NQO2: variants seen among roughly 807,000 people sequenced by gnomAD.
NQO2 encodes the protein ribosyldihydronicotinamide dehydrogenase [quinone].
A neutral mutation model predicts 22.0 loss-of-function variants in NQO2; 18 were observed. That is an observed-to-expected ratio of 0.82 (90% CI 0.56 to 1.21). The LOEUF (loss-of-function observed/expected upper bound fraction) is 1.21, where lower values mean the gene tolerates loss of function less well. Among genes scored for constraint, NQO2 ranks in the 50% most tolerant of loss-of-function variants. The pLI is 0.00. For missense variants in NQO2, 267 were observed against 286.9 expected, an observed-to-expected ratio of 0.93 and a Z score of 0.50; for synonymous variants, 106 against 110.8, an observed-to-expected ratio of 0.96 and a Z score of 0.28.
At chr6:3,005,877 C>G in intron 1 of NQO2, 2 of 887,714 alleles carry the variant, frequency 2.3e-6, no homozygotes, top group Non-Finnish European at 2.7e-6. Flanking sequence ...GCAGGGCCCA[C>G]AGCTACAATG....
In NQO2 at chr6:3,006,999, C is replaced by A. The variant is rs1006540120; in HGVS notation, c.7+440C>A. 1 of 399,184 alleles carries A rather than the reference C, an allele frequency of 2.5e-6. No individual in the cohort carries two copies. Among genetic ancestry groups the A allele is most frequent in the African/African-American group, 2.1e-5 (1 of 48,626 alleles). The allele number at this position is 399,184 out of a possible 1,614,324, so 24.7% of individuals were successfully genotyped here. On this transcript the variant is annotated intron_variant, in intron 2 of 6. Transcript: ENST00000380455. The surrounding 1 kb of genome is among the most constrained non-coding windows in gnomAD (Gnocchi z 4.0). Reference sequence around the variant, plus strand: ...TGCTTATCATGCACATATACATGAACATGCAATCTCTCAACTTTTTAATTT... The same window carrying A: ...TGCTTATCATGCACATATACATGAAAATGCAATCTCTCAACTTTTTAATTT...
At chr6:3,008,655 G>T (rs1429714202) in intron 2 of NQO2, among the ~76,000 whole-genome samples, 1 of 152,174 alleles carries the variant, frequency 6.6e-6, no homozygotes, top group African/African-American at 2.4e-5. Context: ...CAGATATTGG[G>T]CGAAATTCAC....
chr6:3,010,053 C>A lies in NQO2; in HGVS notation c.36C>A (p.His12Gln). 6.2e-7 allele frequency: 1 copy of A among 1,614,004 alleles called. No homozygotes were observed. The highest frequency in any genetic ancestry group is 8.5e-7 in the Non-Finnish European group (1 of 1,179,970). ...AGAAAGTACTCATTGTCTATGCACA[C>A]CAGGAACCCAAGTCTTTCAACGGAT... Reference protein sequence around the residue: ...AGKKVLIVYAHQEPKSFNGSL... With the variant: ...AGKKVLIVYAQQEPKSFNGSL... The change falls in exon 3 of 7, where the codon CAC becomes CAA. Residue 12 changes from histidine to glutamine, a missense_variant. By Grantham distance (24) the His-to-Gln change is conservative. Transcript: ENST00000380455.
chr6:3,016,774 T>A (rs1267763192), intron 5 of NQO2, 110 bp from the exon 6 acceptor site: 23 of 1,511,984 alleles, frequency 1.5e-5, no homozygotes, highest in East Asian at 2.5e-5. Context: ...CTGGAGGGTG[T>A]CCACACGCAT....
chr6:3,007,185 G>T (rs1756981394), intron 2 of NQO2, among the ~76,000 whole-genome samples: 1 of 152,024 alleles, frequency 6.6e-6, no homozygotes, highest in Non-Finnish European at 1.5e-5. Flanking sequence ...ACCCTGTTTA[G>T]CACCTAGCAC....
intron 4 of NQO2, among the ~76,000 whole-genome samples, chr6:3,013,596 C>A (rs1324544186): frequency 1.3e-5 from 2 of 152,054 alleles, no homozygotes; most frequent in African/African-American, 4.8e-5. Flanking sequence ...TTGCTTCACC[C>A]CCAGCCCAGC....
rs1299980749 is a variant in NQO2, at chr6:3,006,427, A to G, written c.-85-41A>G. On this transcript the variant is annotated intron_variant, in intron 1 of 6. Transcript: ENST00000380455. The surrounding 1 kb of genome is among the most constrained non-coding windows in gnomAD (Gnocchi z 4.0). Reference sequence around the variant, plus strand: ...AGATGTGGTACATTCGACCTCACCTATGCCTCTCCCCACCCCCTCTGGGTT... The same window carrying G: ...AGATGTGGTACATTCGACCTCACCTGTGCCTCTCCCCACCCCCTCTGGGTT... The G allele has an allele frequency of 1.9e-6, 3 of 1,549,482 alleles. No individual in the cohort carries two copies. Among genetic ancestry groups the G allele is most frequent in the Non-Finnish European group, 2.6e-6 (3 of 1,151,044 alleles).
chr6:3,010,765 G>A (rs1289200753), intron 3 of NQO2, among the ~76,000 whole-genome samples: 1 of 152,160 alleles, frequency 6.6e-6, no homozygotes, highest in Non-Finnish European at 1.5e-5. Flanking sequence ...CCACACTGTA[G>A]GAGGTACATT....
chr6:3,015,052 A>G (rs1366390518), intron 4 of NQO2: 3 of 1,258,714 alleles, frequency 2.4e-6, no homozygotes, highest in Admixed American at 2.3e-5. Flanking sequence ...TGGGATAGGG[A>G]GATCTTAGCG....
In NQO2 at chr6:3,010,139, A is replaced by C; in HGVS notation, c.122A>C (p.Asp41Ala). The C allele has an allele frequency of 1.2e-6, 2 of 1,614,004 alleles. No individual in the cohort carries two copies. Among genetic ancestry groups the C allele is most frequent in the Non-Finnish European group, 1.7e-6 (2 of 1,179,964 alleles). ...CAGGGCTGCACCGTCACAGTGTCTG[A>C]TTTGTATGCCATGAACCTTGAGCCG... is the stretch of plus-strand genomic sequence containing the variant. ...SRQGCTVTVSDLYAMNLEPRA... is the reference protein window; with the variant it reads ...SRQGCTVTVSALYAMNLEPRA... Residue 41 changes from aspartate (D) to alanine (A), a missense_variant, in exon 3 of 7, where the codon GAT becomes GCT. Transcript: ENST00000380455.
intron 1 of NQO2, among the ~76,000 whole-genome samples, chr6:3,000,576 C>G (rs1431172503): frequency 6.6e-6 from 1 of 151,412 alleles, no homozygotes; most frequent in Non-Finnish European, 1.5e-5. Context: ...GAGTCTCACT[C>G]TGTCGCCCAG....
Position 3,006,317 on chromosome 6 carries a change from T to G in NQO2, c.-85-151T>G. ...CCTGCGTGGCTTGTCCTCTGAGGCC[T>G]AAATCTCCAGAAGATTCCTGGCCTC... On this transcript the variant is annotated intron_variant, in intron 1 of 6. Transcript: ENST00000380455. This position sits in a 1 kb window ranked among gnomAD's most constrained non-coding sequence, Gnocchi z 4.0. 1 of 1,354,552 alleles carries G rather than the reference T, an allele frequency of 7.4e-7. No homozygotes were observed. Among genetic ancestry groups the G allele is most frequent in the Non-Finnish European group, 9.5e-7 (1 of 1,050,334 alleles). The allele number at this position is 1,354,552 out of a possible 1,614,324, so 83.9% of individuals were successfully genotyped here. A position where few individuals can be genotyped will look rare whatever the true frequency, so the allele number is the denominator to read the frequency against.
chr6:3,012,491 TG>T (rs11351160), intron 3 of NQO2, 52 bp from the exon 4 acceptor site: 979,103 of 1,608,600 alleles, frequency 0.61, 300,318 homozygotes, highest in Non-Finnish European at 0.63. Context: ...ATGGTTGGGA[TG>T]GGCTGTGGAT....
chr6:3,007,273 A>G (rs1280067645), intron 2 of NQO2, among the ~76,000 whole-genome samples: 2 of 152,184 alleles, frequency 1.3e-5, no homozygotes, highest in African/African-American at 4.8e-5. Context: ...GTCTCCAGGC[A>G]TTGAGAAACG....
chr6:3,018,600 C>A lies in NQO2; in HGVS notation c.520-879C>A, dbSNP rs561041869. On this transcript the variant is annotated intron_variant, in intron 6 of 6. Coordinates refer to ENST00000380455, the MANE Select transcript of NQO2 (RefSeq NM_000904.6). ...TGTGGGCCTCTCACTCCCCACCTGA[C>A]AGGGCAGGCCTGGATGAGGGTGTGG... 2.8e-4 allele frequency among the ~76,000 whole-genome samples: 42 copies of A among 152,242 alleles called. No homozygotes were observed. In the East Asian group the frequency reaches 7.1e-3, roughly 26 times the overall value.
intron 6 of NQO2, 140 bp downstream of exon 6, chr6:3,017,125 CG>C: frequency 2.1e-6 from 2 of 958,562 alleles, no homozygotes; most frequent in South Asian, 3.1e-5. Flanking sequence ...GGGATGGAAG[CG>C]TGATGCCCCA....
intron 1 of NQO2, chr6:3,004,336 C>T (rs139093164): frequency 0.013 from 12,786 of 985,394 alleles, 125 homozygotes; most frequent in South Asian, 0.065. Context: ...TGAAGTCAAG[C>T]GAATGGGGAA....
At chr6:3,001,519 T>C (rs1756719668) in intron 1 of NQO2, among the ~76,000 whole-genome samples, 1 of 152,174 alleles carries the variant, frequency 6.6e-6, no homozygotes, top group Non-Finnish European at 1.5e-5. Flanking sequence ...CTGTGCTGTT[T>C]ATAGTTTTGG....
rs1756934460 is a variant in NQO2 at position 3,005,870 on chromosome 6, G to A, written c.-85-598G>A. 4 of 927,688 alleles carry A rather than the reference G, an allele frequency of 4.3e-6. 1 individual carries two copies. In the African/African-American group the frequency reaches 5.3e-5, roughly 12 times the overall value. The allele number at this position is 927,688 out of a possible 1,614,324, so 57.5% of individuals were successfully genotyped here. ...CAGAGGGGTGGAGGGATGTGCTGCA[G>A]GGCCCACAGCTACAATGGGCAGAGC... is the stretch of plus-strand genomic sequence containing the variant. On this transcript the variant is annotated intron_variant, in intron 1 of 6. Transcript: ENST00000380455.
Sources: gnomAD v4.1 joint callset for allele counts (sites outside exome capture counted in the v4.1 genomes callset) on GRCh38, gnomAD v4.1.1 for gene constraint, Gnocchi (gnomAD v3.1) non-coding constraint, MANE v1.5 for transcripts, NCBI Gene and HGNC (gene_info 2026-07-23, HGNC 2026-07-21) for gene names.